The following DCP2 variants were observed in gnomAD, a reference collection of about 807,000 sequenced individuals.
DCP2 encodes m7GpppN-mRNA hydrolase.
Under a neutral mutation model 56.1 loss-of-function variants are expected in DCP2, and 30 were observed. That is an observed-to-expected ratio of 0.53 (90% CI 0.40 to 0.73). The LOEUF (loss-of-function observed/expected upper bound fraction) is 0.73. Ranked by LOEUF, DCP2 falls within the 30% of genes least tolerant of loss-of-function variation. The pLI, the probability that DCP2 is intolerant of heterozygous loss-of-function variation, is 0.00. For missense variants in DCP2, 533 were observed against 502.7 expected, an observed-to-expected ratio of 1.06 and a Z score of -0.58; for synonymous variants, 197 against 163.3, an observed-to-expected ratio of 1.21 and a Z score of -1.57.
chr5:113,005,082 T>C (rs1391064440), intron 8 of DCP2, among the ~76,000 whole-genome samples: 1 of 151,582 alleles, frequency 6.6e-6, no homozygotes, highest in Non-Finnish European at 1.5e-5. Context: ...TGAGCCAAGA[T>C]CGCGCCATTG....
At chr5:112,977,071 GCCCA>G in intron 1 of DCP2, 85 bp downstream of exon 1, 1 of 1,071,942 alleles carries the variant, frequency 9.3e-7, no homozygotes, top group East Asian at 2.8e-5. Context: ...CTTCTTCCCC[GCCCA>G]CGTCCATGTC....
In DCP2 at chr5:113,018,613, ATG is replaced by A. The variant is rs1272704547; in HGVS notation, c.*5133_*5134del. 1 of 152,116 alleles carries A rather than the reference ATG, an allele frequency of 6.6e-6. No homozygotes were observed. The highest frequency in any genetic ancestry group is 1.5e-5 in the Non-Finnish European group (1 of 68,048). The allele number at this position is 152,116 out of a possible 1,614,324, so 9.4% of individuals were successfully genotyped here. A position where few individuals can be genotyped will look rare whatever the true frequency, so the allele number is the denominator to read the frequency against. Reference sequence around the variant, plus strand: ...CCAGTAGAAGACAATGGCCCTGAATATGTGTTTTCTGCTTTTTGGTGGAAGGT... The same window carrying A: ...CCAGTAGAAGACAATGGCCCTGAATATGTTTTCTGCTTTTTGGTGGAAGGT... On this transcript the variant is annotated 3_prime_UTR_variant, in exon 11 of 11. Coordinates refer to ENST00000389063, the MANE Select transcript of DCP2 (RefSeq NM_152624.6).
chr5:113,005,151 G>GTGTGTGTGTGT (rs1749361092), intron 8 of DCP2, among the ~76,000 whole-genome samples: 24 of 149,522 alleles, frequency 1.6e-4, no homozygotes, highest in East Asian at 1.6e-3. Flanking sequence ...TGTGCGTGTG[G>GTGTGTGTGTGT]GTGTGTGTGT....
At chr5:112,993,657 A>C (rs965708492) in intron 4 of DCP2, among the ~76,000 whole-genome samples, 2 of 150,688 alleles carry the variant, frequency 1.3e-5, no homozygotes, top group African/African-American at 4.9e-5. Flanking sequence ...AAAAAAACCA[A>C]AATTTTTTTT....
chr5:113,007,638 C>G (rs184008326), intron 8 of DCP2, among the ~76,000 whole-genome samples: 39 of 151,970 alleles, frequency 2.6e-4, no homozygotes, highest in African/African-American at 9.2e-4. Context: ...ACCTCGTGAT[C>G]CGCCCGCCTC....
Position 113,013,463 on chromosome 5 carries a change from A to C in DCP2, c.1242A>C (p.Ile414=), listed in dbSNP as rs1209828607. The C allele has an allele frequency of 5.0e-6, 8 of 1,614,104 alleles. No homozygotes were observed. The highest frequency in any genetic ancestry group is 1.7e-4 in the Middle Eastern group (1 of 6,060). ...GTTTCAAGTTTGACCATAATGCTAT[A>C]ATGAAAATCTTGGACCTTTGATAGC... ...FLSFKFDHNA[I]MKILDL is the part of the protein sequence containing the mutation. Residue 414 remains isoleucine, a synonymous_variant, in exon 11 of 11, where the codon ATA becomes ATC. Coordinates refer to ENST00000389063, the MANE Select transcript of DCP2 (RefSeq NM_152624.6).
intron 8 of DCP2, among the ~76,000 whole-genome samples, chr5:113,005,702 C>A (rs565420363): frequency 6.6e-6 from 1 of 152,134 alleles, no homozygotes; most frequent in Non-Finnish European, 1.5e-5. Context: ...AACTTGTGTA[C>A]CAATGTTCAT....
rs532353785 is a variant in DCP2, at chr5:113,010,034, C to CTTTTT, written c.1048-710_1048-706dup. On this transcript the variant is annotated intron_variant, in intron 9 of 10. Transcript: ENST00000389063. ...CTCAAGCCATTTTCTTGCCTCAGCT[C>CTTTTT]TTTTTTTTTTTTTTTTGAGACAGGG... Among the ~76,000 whole-genome samples the CTTTTT allele has an allele frequency of 2.4e-5, 3 of 127,584 alleles. No individual in the cohort carries two copies. The Admixed American group carries it at 2.4e-4, about 10-fold the overall frequency. The allele number at this position is 127,584 out of a possible 152,430, so 83.7% of individuals were successfully genotyped here.
rs148547523 is a variant in DCP2 at position 112,985,681 on chromosome 5, T to C, written c.54-154T>C. On this transcript the variant is annotated intron_variant, in intron 1 of 10. Coordinates refer to ENST00000389063, the MANE Select transcript of DCP2 (RefSeq NM_152624.6). ...TCCTCTCTAAGACTCATCTTCCCTA[T>C]AGTATTTCTCTCAAATATTAATTGC... Among the ~76,000 whole-genome samples the C allele has an allele frequency of 5.4e-3, 825 of 152,342 alleles. 6 individuals carry two copies. Among genetic ancestry groups the C allele is most frequent in the African/African-American group, 0.018 (768 of 41,576 alleles).
In DCP2 at chr5:113,021,359, C is replaced by CTCTG. The variant is rs1491419081; in HGVS notation, c.*7880_*7883dup. Among the ~76,000 whole-genome samples, 1 of 141,480 alleles carries CTCTG rather than the reference C, an allele frequency of 7.1e-6. No individual in the cohort carries two copies. The highest frequency in any genetic ancestry group is 1.5e-5 in the Non-Finnish European group (1 of 66,670). The allele number at this position is 141,480 out of a possible 152,430, so 92.8% of individuals were successfully genotyped here. A position where few individuals can be genotyped will look rare whatever the true frequency, so the allele number is the denominator to read the frequency against. ...TCCAGCCTGGGTGAACAGAGCAAGA[C>CTCTG]TCTGTCTGGAAAAAACAAAAAACAA... On this transcript the variant is annotated 3_prime_UTR_variant, in exon 11 of 11. Coordinates refer to ENST00000389063, the MANE Select transcript of DCP2 (RefSeq NM_152624.6).
At chr5:112,985,432 C>G (rs1748233095) in intron 1 of DCP2, among the ~76,000 whole-genome samples, 1 of 152,052 alleles carries the variant, frequency 6.6e-6, no homozygotes, top group Admixed American at 6.5e-5. Context: ...TCCAATATTT[C>G]TTGGTAATAT....
At chr5:113,000,455 T>G (rs559934206) in intron 4 of DCP2, among the ~76,000 whole-genome samples, 57 of 150,252 alleles carry the variant, frequency 3.8e-4, no homozygotes, top group African/African-American at 1.4e-3. Context: ...TTTTAATATA[T>G]TCTTGATCTT....
intron 2 of DCP2, among the ~76,000 whole-genome samples, chr5:112,987,314 CAATA>C (rs1561687444): frequency 2.6e-5 from 4 of 152,120 alleles, no homozygotes; most frequent in African/African-American, 9.6e-5. Flanking sequence ...AAGGATAGCT[CAATA>C]AATAAATTAG....
intron 9 of DCP2, among the ~76,000 whole-genome samples, chr5:113,009,233 T>C (rs1749575561): frequency 6.6e-6 from 1 of 152,220 alleles, no homozygotes; most frequent in South Asian, 2.1e-4. Context: ...AAATTCTTTG[T>C]AGATTTTTTG....
At chr5:112,985,264 G>T (rs1388960782) in intron 1 of DCP2, among the ~76,000 whole-genome samples, 1 of 152,044 alleles carries the variant, frequency 6.6e-6, no homozygotes, top group Non-Finnish European at 1.5e-5. Flanking sequence ...ATATTTATAT[G>T]TAAAAGAAAT....
chr5:112,982,784 T>G (rs1248282473), intron 1 of DCP2, among the ~76,000 whole-genome samples: 1 of 152,238 alleles, frequency 6.6e-6, no homozygotes, highest in Non-Finnish European at 1.5e-5. Flanking sequence ...ACTCCTGTTT[T>G]CTTCTGGTTC....
chr5:112,978,371 A>G (rs1368738474), intron 1 of DCP2, among the ~76,000 whole-genome samples: 1 of 152,090 alleles, frequency 6.6e-6, no homozygotes, highest in Non-Finnish European at 1.5e-5. Flanking sequence ...GTATATTTCC[A>G]TTTTCATCTG....
At chr5:112,986,222 T>C (rs1748279355) in intron 2 of DCP2, among the ~76,000 whole-genome samples, 1 of 152,158 alleles carries the variant, frequency 6.6e-6, no homozygotes. Flanking sequence ...ACTGATTAAA[T>C]TTTATTTTTT....
chr5:112,982,245 T>G (rs1748041232), intron 1 of DCP2, among the ~76,000 whole-genome samples: 1 of 152,194 alleles, frequency 6.6e-6, no homozygotes, highest in Non-Finnish European at 1.5e-5. Context: ...CTTCCTTATC[T>G]TATCCTCAAT....
Sources: allele counts gnomAD v4.1 joint callset (sites outside exome capture counted in the v4.1 genomes callset), GRCh38; gene constraint gnomAD v4.1.1; transcripts MANE v1.5; gene names NCBI Gene and HGNC (gene_info 2026-07-23, HGNC 2026-07-21).